The following TTC21B variants were observed in gnomAD, a reference collection of about 807,000 sequenced individuals.
The protein encoded by TTC21B is tetratricopeptide repeat domain 21B, also known as tetratricopeptide repeat protein 21B.
A neutral mutation model predicts 175.1 loss-of-function variants in TTC21B; 127 were observed. The observed-to-expected ratio is 0.73, with a 90% CI of 0.63 to 0.84. The LOEUF is 0.84. Among genes scored for constraint, TTC21B ranks in the 40% least tolerant of loss-of-function variants. The probability of loss-of-function intolerance (pLI) is 0.00; values close to 1 mark genes in which losing one functional copy is unlikely to be tolerated. For missense variants in TTC21B, 1,561 were observed against 1,558.3 expected (o/e 1.00, Z -0.03); for synonymous variants, 524 against 524.5 (o/e 1.00, Z 0.01).
intron 6 of TTC21B, among the ~76,000 whole-genome samples, chr2:165,939,126 C>T (rs78348480): frequency 0.027 from 4,066 of 152,090 alleles, 148 homozygotes; most frequent in Admixed American, 0.11. Context: ...CATGTGGTGA[C>T]GGTAGCTAGG....
intron 4 of TTC21B, 99 bp downstream of exon 4, chr2:165,945,425 G>A: frequency 8.7e-7 from 1 of 1,153,938 alleles, no homozygotes; most frequent in Non-Finnish European, 1.2e-6. Context: ...TGGCAATAGA[G>A]TGAACAATAA....
intron 26 of TTC21B, among the ~76,000 whole-genome samples, chr2:165,881,618 G>A (rs538825786): frequency 2.6e-5 from 4 of 152,120 alleles, no homozygotes; most frequent in East Asian, 1.9e-4. Context: ...TGTCACTGAC[G>A]TTTTCTGGAA....
At chr2:165,917,680 C>A (rs1686227834) in intron 13 of TTC21B, among the ~76,000 whole-genome samples, 199 bp from the exon 14 acceptor site, 5 of 152,164 alleles carry the variant, frequency 3.3e-5, no homozygotes, top group Admixed American at 6.5e-5. Flanking sequence ...CTTCTCCCTG[C>A]ATCCTTTGAG....
intron 11 of TTC21B, 178 bp downstream of exon 11, chr2:165,928,957 T>G (rs1686779496): frequency 4.8e-6 from 3 of 620,342 alleles, no homozygotes; most frequent in Non-Finnish European, 8.7e-6. Context: ...ATACTTTCAG[T>G]AGTTGACAGC....
chr2:165,932,683 A>C (rs960591844), intron 7 of TTC21B, among the ~76,000 whole-genome samples: 4 of 152,078 alleles, frequency 2.6e-5, no homozygotes, highest in Non-Finnish European at 4.4e-5. Flanking sequence ...TTAATCATAT[A>C]TATTACTACA....
chr2:165,913,215 G>A (rs759991306), intron 16 of TTC21B, among the ~76,000 whole-genome samples: 17 of 151,918 alleles, frequency 1.1e-4, no homozygotes, highest in Admixed American at 2.0e-4. Flanking sequence ...TTGTAGAGAC[G>A]GGGTTTCACC....
At chr2:165,914,188 T>C (rs925296534) in intron 15 of TTC21B, among the ~76,000 whole-genome samples, 1 of 152,224 alleles carries the variant, frequency 6.6e-6, no homozygotes, top group African/African-American at 2.4e-5. Flanking sequence ...GTTAAGTCTT[T>C]AACATACAGT....
At chr2:165,936,533 T>C (rs1201052316) in intron 6 of TTC21B, among the ~76,000 whole-genome samples, 2 of 151,982 alleles carry the variant, frequency 1.3e-5, no homozygotes, top group Admixed American at 6.6e-5. Flanking sequence ...ATTTATCAGA[T>C]ATAGATATAT....
intron 25 of TTC21B, among the ~76,000 whole-genome samples, chr2:165,884,258 G>A (rs922044769): frequency 5.9e-5 from 9 of 152,176 alleles, no homozygotes; most frequent in Admixed American, 3.9e-4. Flanking sequence ...CTATTCAGAT[G>A]CCATATGCAC....
chr2:165,894,684 C>CA (rs1685303678), intron 22 of TTC21B, among the ~76,000 whole-genome samples: 1 of 152,166 alleles, frequency 6.6e-6, no homozygotes, highest in Admixed American at 6.5e-5. Context: ...AAGCGATTCT[C>CA]CTGCTGTGTT....
At chr2:165,906,974 A>AAAG (rs1685761814) in intron 19 of TTC21B, among the ~76,000 whole-genome samples, 1 of 146,784 alleles carries the variant, frequency 6.8e-6, no homozygotes, top group African/African-American at 2.6e-5. Context: ...AAAAAAAAAA[A>AAAG]AAAGAAAAAA....
At position 165,890,605 on chromosome 2, in the gene TTC21B, A is replaced by C; in HGVS notation, c.3137T>G (p.Phe1046Cys). Residue 1046 changes from phenylalanine (F) to cysteine (C), a missense_variant, in exon 24 of 29, where the codon TTT becomes TGT. By Grantham distance (205) the Phe-to-Cys change is radical. Transcript: ENST00000243344. ...GTCACGATCTTTCCGAGCTTTATTAAAATGTCGAAGGGCATCATTTGGTTC... is the reference window on the plus strand; with the variant it reads ...GTCACGATCTTTCCGAGCTTTATTACAATGTCGAAGGGCATCATTTGGTTC... ...TGEPNDALRH[F>C]NKARKDRDWG... 1 of 1,613,858 alleles carries C rather than the reference A, an allele frequency of 6.2e-7. No homozygotes were observed. Among genetic ancestry groups the C allele is most frequent in the East Asian group, 2.2e-5 (1 of 44,844 alleles).
intron 3 of TTC21B, 119 bp downstream of exon 3, chr2:165,949,275 T>C (rs372030193): frequency 1.3e-6 from 1 of 777,530 alleles, no homozygotes; most frequent in Non-Finnish European, 2.2e-6. Context: ...TATGTATAAA[T>C]TGTACCTACA....
intron 19 of TTC21B, among the ~76,000 whole-genome samples, chr2:165,907,184 GATC>G (rs1011822205): frequency 6.6e-6 from 1 of 151,904 alleles, no homozygotes; most frequent in African/African-American, 2.4e-5. Flanking sequence ...AAAGACATAT[GATC>G]ATCTTGATAG....
At chr2:165,919,171 A>T in intron 13 of TTC21B, 105 bp downstream of exon 13, 1 of 1,378,742 alleles carries the variant, frequency 7.3e-7, no homozygotes, top group Non-Finnish European at 1.0e-6. Context: ...TCCATTAAAA[A>T]TGCAACTGTT....
intron 19 of TTC21B, among the ~76,000 whole-genome samples, chr2:165,903,932 A>T (rs187359414): frequency 1.4e-4 from 21 of 152,318 alleles, no homozygotes; most frequent in Admixed American, 5.9e-4. Context: ...CATTAGTGGG[A>T]AGAATGTTAT....
At position 165,932,955 on chromosome 2, in the gene TTC21B, T is replaced by C. The variant is rs1246035086; in HGVS notation, c.795+18A>G. On this transcript the variant is annotated intron_variant, in intron 7 of 28. Coordinates refer to ENST00000243344, the MANE Select transcript of TTC21B (RefSeq NM_024753.5). Reference sequence around the variant, plus strand: ...TATTTTTTAATATAGGAAACTTAAATAATACAATGCCACTTACCTTCTCTA... The same window carrying C: ...TATTTTTTAATATAGGAAACTTAAACAATACAATGCCACTTACCTTCTCTA... 3 of 1,601,152 alleles carry C rather than the reference T, an allele frequency of 1.9e-6. No homozygotes were observed. The highest frequency in any genetic ancestry group is 1.3e-5 in the African/African-American group (1 of 74,660).
intron 21 of TTC21B, 63 bp from the exon 22 acceptor site, chr2:165,898,830 A>G: frequency 2.0e-6 from 2 of 1,023,572 alleles, no homozygotes; most frequent in East Asian, 2.4e-5. Flanking sequence ...TGTTCTTCCA[A>G]TCAAGATTTA....
intron 16 of TTC21B, among the ~76,000 whole-genome samples, 175 bp downstream of exon 16, chr2:165,913,399 A>C (rs1463073645): frequency 1.3e-5 from 2 of 152,212 alleles, no homozygotes; most frequent in Non-Finnish European, 2.9e-5. Context: ...ATTTTTAAAA[A>C]TTGATATCTC....
Sources: allele counts gnomAD v4.1 joint callset (sites outside exome capture counted in the v4.1 genomes callset), GRCh38; gene constraint gnomAD v4.1.1; transcripts MANE v1.5; gene names NCBI Gene and HGNC (gene_info 2026-07-23, HGNC 2026-07-21).